The following DAPK2 variants were observed in gnomAD, a reference collection of about 807,000 sequenced individuals.
DAPK2 encodes death associated protein kinase 2.
A neutral mutation model predicts 44.1 loss-of-function variants in DAPK2; 35 were observed. The observed-to-expected ratio is 0.79, with a 90% CI of 0.61 to 1.05. DAPK2 has a LOEUF of 1.05. Among genes scored for constraint, DAPK2 ranks in the 50% least tolerant of loss-of-function variants. DAPK2 has a pLI of 0.00. For missense variants in DAPK2, 453 were observed against 483.2 expected, an observed-to-expected ratio of 0.94 and a Z score of 0.59; for synonymous variants, 174 against 182.6, an observed-to-expected ratio of 0.95 and a Z score of 0.38.
chr15:64,027,602 A>G (rs2079888067), intron 1 of DAPK2, among the ~76,000 whole-genome samples: 1 of 152,158 alleles, frequency 6.6e-6, no homozygotes, highest in Admixed American at 6.5e-5. Flanking sequence ...TGCAAACACC[A>G]CGAAGAAAAG....
chr15:64,035,360 C>T (rs867405526), intron 1 of DAPK2, among the ~76,000 whole-genome samples: 8 of 152,344 alleles, frequency 5.3e-5, no homozygotes, highest in Non-Finnish European at 5.9e-5. Flanking sequence ...ATCACTCCTT[C>T]CCAAAGGCTC....
intron 3 of DAPK2, among the ~76,000 whole-genome samples, chr15:63,952,658 AT>A (rs1036001961): frequency 3.3e-5 from 5 of 149,724 alleles, no homozygotes; most frequent in Non-Finnish European, 7.4e-5. Context: ...TTTTTTATTT[AT>A]TTTTTTATTT....
At position 63,951,987 on chromosome 15, in the gene DAPK2, C is replaced by T. The variant is rs557990305; in HGVS notation, c.454-12626G>A. Reference sequence around the variant, plus strand: ...AGGCGTGCTGGCTCATGCCTGTAATCTCAGTACTTTGGTAGGCTGAGGCGG... The same window carrying T: ...AGGCGTGCTGGCTCATGCCTGTAATTTCAGTACTTTGGTAGGCTGAGGCGG... On this transcript the variant is annotated intron_variant, in intron 3 of 10. Coordinates refer to ENST00000261891, the Ensembl canonical transcript of DAPK2. 3.9e-5 allele frequency among the ~76,000 whole-genome samples: 6 copies of T among 152,332 alleles called. No homozygotes were observed. In the South Asian group the frequency reaches 1.2e-3, roughly 32 times the overall value.
chr15:63,996,486 C>T (rs776781528), intron 1 of DAPK2, among the ~76,000 whole-genome samples: 5 of 152,198 alleles, frequency 3.3e-5, no homozygotes, highest in Non-Finnish European at 7.4e-5. Flanking sequence ...ATGAGACACC[C>T]GGGCCTTATT....
At chr15:63,994,945 C>A (rs981978217) in intron 1 of DAPK2, among the ~76,000 whole-genome samples, 1 of 151,856 alleles carries the variant, frequency 6.6e-6, no homozygotes, top group Admixed American at 6.6e-5. Flanking sequence ...TATTTTGAAG[C>A]CTGCTTTTTA....
intron 1 of DAPK2, among the ~76,000 whole-genome samples, chr15:64,026,668 C>G (rs1355191730): frequency 6.6e-6 from 1 of 152,230 alleles, no homozygotes; most frequent in Non-Finnish European, 1.5e-5. Flanking sequence ...GGTACGCTCT[C>G]AGAAAACTTC....
chr15:64,015,663 A>T (rs2079506172), intron 1 of DAPK2, among the ~76,000 whole-genome samples: 1 of 152,256 alleles, frequency 6.6e-6, no homozygotes. Flanking sequence ...AGTGGGCCCC[A>T]AATCCAATGA....
chr15:63,994,154 G>C (rs568016741), intron 1 of DAPK2, among the ~76,000 whole-genome samples: 1 of 152,104 alleles, frequency 6.6e-6, no homozygotes, highest in Non-Finnish European at 1.5e-5. Context: ...CTATAAGCCA[G>C]CCTGTAAGAG....
At chr15:64,003,940 T>C (rs755173244) in intron 1 of DAPK2, among the ~76,000 whole-genome samples, 13 of 152,244 alleles carry the variant, frequency 8.5e-5, no homozygotes, top group Admixed American at 2.6e-4. Context: ...AATTCTTTAA[T>C]GTCATCAATA....
chr15:64,024,719 C>G (rs1177025990), intron 1 of DAPK2, among the ~76,000 whole-genome samples: 1 of 152,182 alleles, frequency 6.6e-6, no homozygotes, highest in Admixed American at 6.5e-5. Flanking sequence ...CATCTTGTCT[C>G]TTAGCCTGCA....
At chr15:63,992,153 G>A (rs2140914205) in intron 1 of DAPK2, among the ~76,000 whole-genome samples, 1 of 152,232 alleles carries the variant, frequency 6.6e-6, no homozygotes, top group South Asian at 2.1e-4. Flanking sequence ...TGTCAAATGA[G>A]CTCAAGCCTG....
At chr15:63,959,874 G>C (rs931974713) in intron 3 of DAPK2, among the ~76,000 whole-genome samples, 1 of 152,208 alleles carries the variant, frequency 6.6e-6, no homozygotes, top group East Asian at 1.9e-4. Context: ...CTCATAAAAT[G>C]AATTAGGGAG....
rs1485758526 is a variant in DAPK2, at chr15:63,923,054, T to G, written c.858+1762A>C. ...CTCATACCTGAGCTGGGACAGGTCATGCCGGGCGCTCTCATTCTCCTCTCG... is the reference window on the plus strand; with the variant it reads ...CTCATACCTGAGCTGGGACAGGTCAGGCCGGGCGCTCTCATTCTCCTCTCG... On this transcript the variant is annotated intron_variant, in intron 8 of 10. Transcript: ENST00000261891. This position sits in a 1 kb window ranked among gnomAD's most constrained non-coding sequence, Gnocchi z 4.2. 3 of 1,535,852 alleles carry G rather than the reference T, an allele frequency of 2.0e-6. No homozygotes were observed. Among genetic ancestry groups the G allele is most frequent in the Middle Eastern group, 3.3e-4 (2 of 5,984 alleles).
chr15:63,936,821 T>A (rs570357060), intron 4 of DAPK2, among the ~76,000 whole-genome samples: 1 of 151,448 alleles, frequency 6.6e-6, no homozygotes, highest in South Asian at 2.1e-4. Flanking sequence ...CTCAAAAAAA[T>A]TTTTAAAAAA....
chr15:63,932,230 C>A (rs1359864284), intron 4 of DAPK2, among the ~76,000 whole-genome samples: 4 of 150,054 alleles, frequency 2.7e-5, no homozygotes, highest in African/African-American at 9.8e-5. Context: ...CTTTGGGAGG[C>A]CAAGGTGGGC....
At chr15:63,961,322 G>A (rs1451989711) in intron 3 of DAPK2, among the ~76,000 whole-genome samples, 1 of 152,100 alleles carries the variant, frequency 6.6e-6, no homozygotes, top group Non-Finnish European at 1.5e-5. Context: ...TCTTTTAATT[G>A]GAGCATTTAG....
intron 1 of DAPK2, among the ~76,000 whole-genome samples, chr15:63,996,943 T>A (rs1216585491): frequency 6.6e-6 from 1 of 152,038 alleles, no homozygotes; most frequent in Non-Finnish European, 1.5e-5. Flanking sequence ...AAGATTTGGC[T>A]TTAGGTCCAC....
intron 1 of DAPK2, among the ~76,000 whole-genome samples, chr15:64,033,458 A>C (rs1276053478): frequency 6.6e-6 from 1 of 152,164 alleles, no homozygotes; most frequent in East Asian, 1.9e-4. Flanking sequence ...CCATTGACCC[A>C]AAATAAGTCT....
chr15:63,938,327 TGGG>T (rs2077217848), intron 4 of DAPK2, among the ~76,000 whole-genome samples: 1 of 152,160 alleles, frequency 6.6e-6, no homozygotes, highest in Non-Finnish European at 1.5e-5. Context: ...TGAAGCCATT[TGGG>T]GATAATTAAG....
Sources: allele counts gnomAD v4.1 joint callset (sites outside exome capture counted in the v4.1 genomes callset), GRCh38; gene constraint gnomAD v4.1.1; non-coding constraint Gnocchi (gnomAD v3.1); transcripts MANE v1.5; gene names NCBI Gene and HGNC (gene_info 2026-07-23, HGNC 2026-07-21).